Variants in RSF1 observed in about 807,000 individuals in gnomAD.
RSF1 encodes the protein remodeling and spacing factor 1.
In RSF1, 13 loss-of-function variants were observed where a neutral mutation model predicts 145.2. The ratio of observed to expected loss-of-function variants is 0.09; its 90% CI spans 0.06 to 0.14. The LOEUF is 0.14. Among genes scored for constraint, RSF1 ranks in the 10% least tolerant of loss-of-function variants. The pLI, the probability that RSF1 is intolerant of heterozygous loss-of-function variation, is 1.00. For missense variants in RSF1, 1,517 were observed against 1,718.2 expected (o/e 0.88, Z 2.07); for synonymous variants, 577 against 592.6 (o/e 0.97, Z 0.38).
chr11:77,867,960 T>C, the RSF1 span, among the ~76,000 whole-genome samples: 1 of 152,308 alleles, frequency 6.6e-6, no homozygotes, highest in East Asian at 1.9e-4. Flanking sequence ...AATTTTAGCA[T>C]GCTATGCAAG....
intron 6 of RSF1, among the ~76,000 whole-genome samples, chr11:77,700,349 C>CAAAAAAAAAAAAA (rs71046906): frequency 6.4e-5 from 3 of 47,198 alleles, no homozygotes; most frequent in Admixed American, 3.5e-4. Flanking sequence ...GACTGTCTCA[C>CAAAAAAAAAAAAA]AAAAAAAAAA....
intron 11 of RSF1, 34 bp from the exon 12 acceptor site, chr11:77,678,187 T>G: frequency 2.1e-5 from 22 of 1,062,642 alleles, no homozygotes; most frequent in Non-Finnish European, 2.7e-5. Context: ...TTATAGCCTG[T>G]CCTGGCTTTT....
At chr11:77,797,510 C>T (rs545102630) in intron 1 of RSF1, among the ~76,000 whole-genome samples, 1 of 152,226 alleles carries the variant, frequency 6.6e-6, no homozygotes, top group African/African-American at 2.4e-5. Context: ...CAAAAATCAA[C>T]TCAAGATGGA....
chr11:77,845,222 T>C, the RSF1 span, among the ~76,000 whole-genome samples: 1 of 152,166 alleles, frequency 6.6e-6, no homozygotes, highest in Non-Finnish European at 1.5e-5. Flanking sequence ...GTGACTCTCA[T>C]TATGAATATA....
rs951911078 is a variant in RSF1, at chr11:77,660,872, A to G, written c.*6045T>C. 6.6e-6 allele frequency: 1 copy of G among 152,218 alleles called. No homozygotes were observed. The highest frequency in any genetic ancestry group is 1.5e-5 in the Non-Finnish European group (1 of 68,030). The allele number at this position is 152,218 out of a possible 1,614,324, so 9.4% of individuals were successfully genotyped here. ...TAGATGAATTTAATTATTTTCAAGA[A>G]TACACTTGTACTACAAAGGTGAGAA... On this transcript the variant is annotated 3_prime_UTR_variant, in exon 16 of 16. Coordinates refer to ENST00000308488, the MANE Select transcript of RSF1 (RefSeq NM_016578.4).
chr11:77,662,131 T>C lies in RSF1; in HGVS notation c.*4786A>G, dbSNP rs537609983. ...AAAAATGTTTTTTTCTCATTCAAAATATCCAAGAAATTTTATAAATTTCTA... is the reference window on the plus strand; with the variant it reads ...AAAAATGTTTTTTTCTCATTCAAAACATCCAAGAAATTTTATAAATTTCTA... On this transcript the variant is annotated 3_prime_UTR_variant, in exon 16 of 16. Transcript: ENST00000308488. 6.6e-6 allele frequency: 1 copy of C among 152,254 alleles called. No individual in the cohort carries two copies. The highest frequency in any genetic ancestry group is 1.9e-4 in the East Asian group (1 of 5,190). The allele number at this position is 152,254 out of a possible 1,614,324, so 9.4% of individuals were successfully genotyped here.
intron 4 of RSF1, chr11:77,735,104 C>A: frequency 1.2e-6 from 1 of 831,880 alleles, no homozygotes; most frequent in South Asian, 1.4e-5. Flanking sequence ...TTGGGGCGGT[C>A]TGAGGGTGCC....
At position 77,756,991 on chromosome 11, in the gene RSF1, T is replaced by C. The variant is rs80294890; in HGVS notation, c.279+7607A>G. The stretch of plus-strand genomic sequence containing the variant: ...GTGAGTAACTGACACAGCTATGAAG[T>C]ACTATGAAAACAGAGAGGAAACACT... On this transcript the variant is annotated intron_variant, in intron 2 of 15. Transcript: ENST00000308488. Among the ~76,000 whole-genome samples the C allele has an allele frequency of 2.2e-3, 334 of 152,224 alleles. 1 individual carries two copies. The highest frequency in any genetic ancestry group is 7.5e-3 in the African/African-American group (313 of 41,524).
chr11:77,704,256 ACCACATTCCAGCCTGG>A (rs1960491013), intron 5 of RSF1, among the ~76,000 whole-genome samples: 1 of 152,166 alleles, frequency 6.6e-6, no homozygotes, highest in South Asian at 2.1e-4. Flanking sequence ...TGATCATGCC[ACCACATTCCAGCCTGG>A]ATACATTCCA....
chr11:77,867,275 C>G, the RSF1 span, among the ~76,000 whole-genome samples: 1 of 151,790 alleles, frequency 6.6e-6, no homozygotes, highest in African/African-American at 2.4e-5. Context: ...CCTATACCAT[C>G]TCTACCATTA....
the RSF1 span, among the ~76,000 whole-genome samples, chr11:77,849,323 G>A: frequency 6.6e-6 from 1 of 152,152 alleles, no homozygotes; most frequent in Non-Finnish European, 1.5e-5. Flanking sequence ...CCGGGTTCAA[G>A]CGATTCTCTT....
chr11:77,863,559 C>T, the RSF1 span, among the ~76,000 whole-genome samples: 60,591 of 151,898 alleles, frequency 0.4, 12,663 homozygotes, highest in African/African-American at 0.51. Context: ...TGGCTAATTT[C>T]TGTAATTTTA....
chr11:77,704,033 C>T (rs1960484950), intron 5 of RSF1, among the ~76,000 whole-genome samples: 1 of 152,224 alleles, frequency 6.6e-6, no homozygotes, highest in African/African-American at 2.4e-5. Context: ...ATGGCTCACG[C>T]CTTTAATCCC....
intron 4 of RSF1, chr11:77,735,032 C>G (rs975717799): frequency 7.3e-6 from 11 of 1,497,176 alleles, no homozygotes; most frequent in Non-Finnish European, 1.0e-5. Context: ...CTCATGGCGG[C>G]GACTAAGGAG....
chr11:77,702,022 A>G lies in RSF1; in HGVS notation c.1207T>C (p.Leu403=). The G allele has an allele frequency of 6.2e-7, 1 of 1,613,964 alleles. No individual in the cohort carries two copies. Among genetic ancestry groups the G allele is most frequent in the Non-Finnish European group, 8.5e-7 (1 of 1,179,946 alleles). The change falls in exon 6 of 16, where the codon TTG becomes CTG. Residue 403 remains leucine, a synonymous_variant. Coordinates refer to ENST00000308488, the MANE Select transcript of RSF1 (RefSeq NM_016578.4). ...DDFDSPVKGP[L]CKSVTPTKEF... is the part of the protein sequence containing the mutation. ...TTTGTTGGAGTAACTGATTTACACA[A>G]AGGTCCCTTGACTGGACTGTCAAAA...
intron 5 of RSF1, among the ~76,000 whole-genome samples, chr11:77,706,070 T>C (rs1006804906): frequency 1.1e-4 from 17 of 151,920 alleles, no homozygotes; most frequent in Admixed American, 2.6e-4. Flanking sequence ...GGTGAAACCC[T>C]GTCTCTACTA....
intron 1 of RSF1, among the ~76,000 whole-genome samples, chr11:77,765,375 C>G (rs1353015530): frequency 1.3e-5 from 2 of 152,204 alleles, no homozygotes; most frequent in Non-Finnish European, 2.9e-5. Context: ...TGTTAAACTT[C>G]TCTGTAGCAT....
the RSF1 span, chr11:77,855,214 C>T: frequency 6.6e-6 from 1 of 152,228 alleles, no homozygotes; most frequent in Non-Finnish European, 1.5e-5. Flanking sequence ...CTCTGAAATT[C>T]CTTCCAGGAA....
At position 77,664,241 on chromosome 11, in the gene RSF1, A is replaced by C. The variant is rs1221819536; in HGVS notation, c.*2676T>G. ...ATAATCAATAATCTATCTGCCTAAT[A>C]ATGTTTTATCAACCGCTTGGATTAC... On this transcript the variant is annotated 3_prime_UTR_variant, in exon 16 of 16. Coordinates refer to ENST00000308488, the MANE Select transcript of RSF1 (RefSeq NM_016578.4). 1.3e-5 allele frequency: 2 copies of C among 152,194 alleles called. No individual in the cohort carries two copies. Among genetic ancestry groups the C allele is most frequent in the Non-Finnish European group, 2.9e-5 (2 of 68,034 alleles). The allele number at this position is 152,194 out of a possible 1,614,324, so 9.4% of individuals were successfully genotyped here.
Sources: gnomAD v4.1 joint callset for allele counts (sites outside exome capture counted in the v4.1 genomes callset) on GRCh38, gnomAD v4.1.1 for gene constraint, MANE v1.5 for transcripts, NCBI Gene and HGNC (gene_info 2026-07-23, HGNC 2026-07-21) for gene names.